Variants in SPOP observed in about 807,000 individuals in gnomAD.
The protein encoded by SPOP is speckle-type POZ protein.
Under a neutral mutation model 45.6 loss-of-function variants are expected in SPOP, and 11 were observed. The observed-to-expected ratio is 0.24, with a 90% CI of 0.15 to 0.40. The LOEUF is 0.40. Among genes scored for constraint, SPOP ranks in the 10% least tolerant of loss-of-function variants. The pLI is 1.00. For synonymous variants in SPOP, 166 were observed against 166.3 expected (o/e 1.00, Z 0.01); for missense variants, 152 against 465.6 (o/e 0.33, Z 6.20).
rs147091810 is a variant in SPOP at position 49,668,596 on chromosome 17, T to G, written c.-67+9337A>C. On this transcript the variant is annotated intron_variant, in intron 1 of 9. Transcript: ENST00000504102. ...GCTTTGCTATTTCAGTAATGTTTTA[T>G]TCACTAGAAAAAGTATCTGGGGGCA... is the stretch of plus-strand genomic sequence containing the variant. 2.0e-4 allele frequency among the ~76,000 whole-genome samples: 30 copies of G among 152,214 alleles called. No homozygotes were observed. In the East Asian group the frequency reaches 5.6e-3, roughly 28 times the overall value.
intron 6 of SPOP, among the ~76,000 whole-genome samples, chr17:49,609,723 T>C (rs1567772124): frequency 6.6e-6 from 1 of 151,492 alleles, no homozygotes; most frequent in African/African-American, 2.4e-5. Context: ...GGAAAGGAAG[T>C]AGAAAGTGAA....
chr17:49,653,204 T>C (rs1211657731), intron 1 of SPOP, among the ~76,000 whole-genome samples: 1 of 152,182 alleles, frequency 6.6e-6, no homozygotes, highest in African/African-American at 2.4e-5. Context: ...AAATTGTATC[T>C]ACTTTTCTTC....
intron 1 of SPOP, among the ~76,000 whole-genome samples, chr17:49,651,183 T>C (rs2072839345): frequency 2.0e-5 from 3 of 152,206 alleles, no homozygotes; most frequent in African/African-American, 4.8e-5. Flanking sequence ...TAATGATTGA[T>C]AAATTGGAAT....
Position 49,601,939 on chromosome 17 carries a change from A to G in SPOP, c.906T>C (p.Ala302=), listed in dbSNP as rs200881785. 72 of 1,614,198 alleles carry G rather than the reference A, an allele frequency of 4.5e-5. No individual in the cohort carries two copies. Among genetic ancestry groups the G allele is most frequent in the Non-Finnish European group, 8.5e-7 (1 of 1,180,000 alleles). ...GGTCGGCCAGGATGAGAATTTCTGC[A>G]GCGTTCTCCACGGACAGGTTACTGC... is the stretch of plus-strand genomic sequence containing the variant. The part of the protein sequence containing the change: ...ALCSNLSVEN[A]AEILILADLH... Residue 302 remains alanine, a synonymous_variant, in exon 9 of 10, where the codon GCT becomes GCC. Coordinates refer to ENST00000504102, the MANE Select transcript of SPOP (RefSeq NM_001007228.2).
chr17:49,652,425 A>C (rs1360234490), intron 1 of SPOP, among the ~76,000 whole-genome samples: 1 of 152,222 alleles, frequency 6.6e-6, no homozygotes, highest in Non-Finnish European at 1.5e-5. Flanking sequence ...TCCCATGCTG[A>C]ACTGCCAATC....
intron 1 of SPOP, among the ~76,000 whole-genome samples, chr17:49,656,165 C>T (rs2072910590): frequency 6.6e-6 from 1 of 152,116 alleles, no homozygotes; most frequent in Non-Finnish European, 1.5e-5. Flanking sequence ...ACTTCAGAAA[C>T]CACCTTGTCT....
chr17:49,603,213 A>AT (rs2071772579), intron 8 of SPOP, among the ~76,000 whole-genome samples: 1 of 152,150 alleles, frequency 6.6e-6, no homozygotes, highest in East Asian at 1.9e-4. Flanking sequence ...TGCAGCTTTA[A>AT]TTTTTTACAT....
chr17:49,598,924 T>C lies in SPOP; in HGVS notation c.*1454A>G, dbSNP rs74441281. The C allele has an allele frequency of 0.024, 4,592 of 187,490 alleles. 217 individuals carry two copies. Among genetic ancestry groups the C allele is most frequent in the African/African-American group, 0.1 (4,278 of 42,846 alleles). The allele number at this position is 187,490 out of a possible 1,614,324, so 11.6% of individuals were successfully genotyped here. ...TCCCTTTATTTAATCTCCACATTTATGTCCCCTGGATCTTTTTATATTTAG... is the reference window on the plus strand; with the variant it reads ...TCCCTTTATTTAATCTCCACATTTACGTCCCCTGGATCTTTTTATATTTAG... On this transcript the variant is annotated 3_prime_UTR_variant, in exon 10 of 10. Coordinates refer to ENST00000504102, the MANE Select transcript of SPOP (RefSeq NM_001007228.2).
intron 1 of SPOP, among the ~76,000 whole-genome samples, chr17:49,649,479 T>G (rs2072810987): frequency 6.7e-6 from 1 of 149,288 alleles, no homozygotes; most frequent in Non-Finnish European, 1.5e-5. Flanking sequence ...GAGGTTGCAG[T>G]GAGCTAAGAT....
intron 1 of SPOP, among the ~76,000 whole-genome samples, chr17:49,655,859 G>A (rs1402925810): frequency 1.3e-5 from 2 of 152,152 alleles, no homozygotes; most frequent in Non-Finnish European, 2.9e-5. Context: ...TGCCCAGGCT[G>A]GAGTATAATA....
intron 1 of SPOP, among the ~76,000 whole-genome samples, chr17:49,645,054 T>C (rs2072729714): frequency 6.6e-6 from 1 of 152,208 alleles, no homozygotes; most frequent in Non-Finnish European, 1.5e-5. Flanking sequence ...GATTGCTTAA[T>C]GACTTGTGAT....
At chr17:49,641,668 A>G (rs2072653836) in intron 1 of SPOP, among the ~76,000 whole-genome samples, 1 of 152,170 alleles carries the variant, frequency 6.6e-6, no homozygotes, top group Non-Finnish European at 1.5e-5. Context: ...ACTTATTAAT[A>G]TTAATGAGTC....
intron 1 of SPOP, among the ~76,000 whole-genome samples, chr17:49,630,640 C>A (rs896936498): frequency 3.3e-5 from 5 of 151,944 alleles, no homozygotes; most frequent in Non-Finnish European, 5.9e-5. Flanking sequence ...TTTGTATAGA[C>A]AGAGTCTTGC....
At chr17:49,647,401 T>A (rs1018070388) in intron 1 of SPOP, among the ~76,000 whole-genome samples, 1 of 151,356 alleles carries the variant, frequency 6.6e-6, no homozygotes, top group Non-Finnish European at 1.5e-5. Flanking sequence ...CAGCAAATCA[T>A]TAATGGGTTC....
intron 1 of SPOP, among the ~76,000 whole-genome samples, chr17:49,634,208 A>C (rs770111993): frequency 6.6e-6 from 1 of 152,210 alleles, no homozygotes; most frequent in Non-Finnish European, 1.5e-5. Flanking sequence ...AGAAAGGCAA[A>C]CGCAAGCAAT....
rs371711182 is a variant in SPOP at position 49,621,658 on chromosome 17, A to G, written c.200+288T>C. 1.5e-4 allele frequency among the ~76,000 whole-genome samples: 23 copies of G among 152,342 alleles called. 1 individual carries two copies. The East Asian group carries it at 4.2e-3, about 28-fold the overall frequency. ...CTCACTAGTTTGCCAAGCAGTCACC[A>G]GTCATTCCATTTATGGATATCATTT... On this transcript the variant is annotated intron_variant, in intron 3 of 9. Coordinates refer to ENST00000504102, the MANE Select transcript of SPOP (RefSeq NM_001007228.2).
At chr17:49,640,744 C>G (rs2072631476) in intron 1 of SPOP, among the ~76,000 whole-genome samples, 1 of 152,204 alleles carries the variant, frequency 6.6e-6, no homozygotes, top group Non-Finnish European at 1.5e-5. Flanking sequence ...GATTACCTCT[C>G]TGGCCTCATT....
chr17:49,628,317 T>C (rs1300317404), intron 1 of SPOP, among the ~76,000 whole-genome samples: 1 of 152,160 alleles, frequency 6.6e-6, no homozygotes, highest in Non-Finnish European at 1.5e-5. Context: ...TCGAGTTACA[T>C]AAAAAAATGC....
At chr17:49,622,250 T>C (rs751488292) in intron 2 of SPOP, 183 bp from the exon 3 acceptor site, 44 of 743,288 alleles carry the variant, frequency 5.9e-5, no homozygotes, top group Non-Finnish European at 8.5e-5. Context: ...CACTGACCAA[T>C]AGCTTTTATA....
Sources: gnomAD v4.1 joint callset for allele counts (sites outside exome capture counted in the v4.1 genomes callset) on GRCh38, gnomAD v4.1.1 for gene constraint, MANE v1.5 for transcripts, NCBI Gene and HGNC (gene_info 2026-07-23, HGNC 2026-07-21) for gene names.